Variants in AGAP2 observed in about 807,000 individuals in gnomAD.
AGAP2 encodes the protein arf-GAP with GTPase, ANK repeat and PH domain-containing protein 2.
A neutral mutation model predicts 110.9 loss-of-function variants in AGAP2; 32 were observed. The observed-to-expected ratio is 0.29, with a 90% confidence interval of 0.22 to 0.39. The LOEUF is 0.39. Among genes scored for constraint, AGAP2 ranks in the 10% least tolerant of loss-of-function variants. The pLI is 1.00. For synonymous variants in AGAP2, 702 were observed against 713.0 expected (o/e 0.98, Z 0.25); for missense variants, 1,285 against 1,638.5 (o/e 0.78, Z 3.72).
At chr12:57,736,258 G>T (rs1345839348) in intron 1 of AGAP2, among the ~76,000 whole-genome samples, 1 of 152,174 alleles carries the variant, frequency 6.6e-6, no homozygotes, top group Admixed American at 6.5e-5. Context: ...CCGGGAGTGT[G>T]AGCCGAACCA....
intron 13 of AGAP2, among the ~76,000 whole-genome samples, chr12:57,728,695 GGGA>G (rs570841555): frequency 5.7e-4 from 87 of 152,284 alleles, no homozygotes; most frequent in African/African-American, 2.0e-3. Flanking sequence ...GGGAGAAGAA[GGGA>G]GGGTCAGGAT....
intron 1 of AGAP2, among the ~76,000 whole-genome samples, chr12:57,736,812 C>G (rs1954990778): frequency 1.3e-5 from 2 of 152,188 alleles, no homozygotes; most frequent in Non-Finnish European, 2.9e-5. Context: ...ATTTTCTAGT[C>G]ACTCTGATCA....
In AGAP2 at chr12:57,738,175, G is replaced by C. The variant is rs1410587497; in HGVS notation, c.72C>G (p.Leu24=). The C allele has an allele frequency of 6.6e-7, 1 of 1,524,652 alleles. No individual in the cohort carries two copies. The highest frequency in any genetic ancestry group is 8.8e-7 in the Non-Finnish European group (1 of 1,141,230). The allele number at this position is 1,524,652 out of a possible 1,614,324, so 94.4% of individuals were successfully genotyped here. A position where few individuals can be genotyped will look rare whatever the true frequency, so the allele number is the denominator to read the frequency against. ...TYLISLTLVK[L]ESVPPPPPSP... is the part of the protein sequence containing the mutation. The stretch of plus-strand genomic sequence containing the variant: ...AAGGCGGCGGCGGAGGCACCGACTC[G>C]AGCTTAACCAGGGTCAGCGAGATGA... Residue 24 remains leucine, a synonymous_variant, in exon 1 of 19, where the codon CTC becomes CTG. Coordinates refer to ENST00000547588, the MANE Select transcript of AGAP2 (RefSeq NM_001122772.3). The surrounding 1 kb of genome is among the most constrained non-coding windows in gnomAD (Gnocchi z 6.7).
upstream of AGAP2, chr12:57,742,094 G>A (rs1490251433): frequency 1.9e-6 from 3 of 1,609,516 alleles, no homozygotes; most frequent in East Asian, 2.2e-5. Context: ...TGTCTTGCCA[G>A]GCTAACAACC....
intron 10 of AGAP2, 22 bp downstream of exon 10, chr12:57,731,344 T>C (rs1422702081): frequency 1.3e-6 from 2 of 1,587,894 alleles, no homozygotes; most frequent in African/African-American, 1.3e-5. Flanking sequence ...CTGGCCAATG[T>C]GGCCCAGTCT....
chr12:57,729,985 G>A (rs550615475), intron 12 of AGAP2, among the ~76,000 whole-genome samples: 60 of 152,268 alleles, frequency 3.9e-4, no homozygotes, highest in African/African-American at 1.4e-3. Context: ...CCACTTACTG[G>A]CCTTAAGACC....
In AGAP2 at chr12:57,729,722, G is replaced by A. The variant is rs1954847612; in HGVS notation, c.2474C>T (p.Pro825Leu). The A allele has an allele frequency of 6.2e-7, 1 of 1,613,882 alleles. No individual in the cohort carries two copies. Among genetic ancestry groups the A allele is most frequent in the Admixed American group, 1.7e-5 (1 of 60,004 alleles). The change falls in exon 13 of 19, where the codon CCT becomes CTT. Residue 825 changes from proline (P) to leucine (L), a missense_variant. By Grantham distance (98) the Pro-to-Leu change is moderately conservative. Around this residue, in one of 7 missense-constraint regions of AGAP2, gnomAD observed 135 missense variants for 182.0 expected, o/e 0.74. Transcript: ENST00000547588. ...CTGCTTCTTCACCATGGGAGAAGGA[G>A]GGGGTTCCCGACTCAGGGGGCTCAG... ...GDLSPLSREP[P>L]PSPMVKKQRR...
intron 1 of AGAP2, among the ~76,000 whole-genome samples, chr12:57,736,511 C>T (rs916841798): frequency 6.6e-6 from 1 of 151,758 alleles, no homozygotes; most frequent in Admixed American, 6.6e-5. Context: ...TCTCACTTCA[C>T]ATTTAAATAT....
At position 57,727,489 on chromosome 12, in the gene AGAP2, C is replaced by T; in HGVS notation, c.2951G>A (p.Arg984His). Residue 984 changes from arginine (R) to histidine (H), a missense_variant, in exon 17 of 19, where the codon CGC becomes CAC. Physicochemically the swap from Arg to His is conservative, Grantham distance 29. Around this residue, in one of 7 missense-constraint regions of AGAP2, gnomAD observed 17 missense variants for 56.4 expected, o/e 0.30. Coordinates refer to ENST00000547588, the MANE Select transcript of AGAP2 (RefSeq NM_001122772.3). ...TGGCCAGTCGTCCAAGTCCAGCGAG[C>T]GAACGCGGGACAGGTGTGTGCCCAG... ...RNLGTHLSRV[R>H]SLDLDDWPRE... is the part of the protein sequence containing the mutation. 1 of 1,612,198 alleles carries T rather than the reference C, an allele frequency of 6.2e-7. No individual in the cohort carries two copies. Among genetic ancestry groups the T allele is most frequent in the Non-Finnish European group, 8.5e-7 (1 of 1,179,440 alleles).
At chr12:57,734,195 A>G in intron 4 of AGAP2, 22 bp from the exon 5 acceptor site, 1 of 1,603,904 alleles carries the variant, frequency 6.2e-7, no homozygotes, top group Non-Finnish European at 8.5e-7. Flanking sequence ...TGAGGGAGCA[A>G]ATGGAAAGTC....
In AGAP2 at chr12:57,725,336, A is replaced by AG. The variant is rs1234357788; in HGVS notation, c.*1215dup. The AG allele has an allele frequency of 1.7e-4, 10 of 60,554 alleles. No individual in the cohort carries two copies. The highest frequency in any genetic ancestry group is 8.2e-3 in the Middle Eastern group (1 of 122). The allele number at this position is 60,554 out of a possible 1,614,324, so 3.8% of individuals were successfully genotyped here. On this transcript the variant is annotated 3_prime_UTR_variant, in exon 19 of 19. Coordinates refer to ENST00000547588, the MANE Select transcript of AGAP2 (RefSeq NM_001122772.3). ...TGGTCCTTTGCAAACTATTTTAGCC[A>AG]GAAAAAAAAAAAAAAAAAAAGACCG...
intron 15 of AGAP2, 56 bp from the exon 16 acceptor site, chr12:57,727,827 C>A: frequency 6.3e-7 from 1 of 1,581,152 alleles, no homozygotes; most frequent in South Asian, 1.2e-5. Flanking sequence ...ACCTCCTTCT[C>A]AGACACCTCT....
At chr12:57,729,178 AAAAAAAAAAAAAAAAG>A (rs1243977934) in intron 13 of AGAP2, among the ~76,000 whole-genome samples, 1 of 149,694 alleles carries the variant, frequency 6.7e-6, no homozygotes, top group Non-Finnish European at 1.5e-5. Context: ...TCCATCTCAA[AAAAAAAAAAAAAAAAG>A]AAAAGAAAAA....
chr12:57,737,738 T>C lies in AGAP2; in HGVS notation c.509A>G (p.His170Arg), dbSNP rs1423862793. Residue 170 changes from histidine to arginine, a missense_variant, in exon 1 of 19, where the codon CAC becomes CGC. Around this residue, in one of 7 missense-constraint regions of AGAP2, gnomAD observed 844 missense variants for 941.2 expected, o/e 0.90. Transcript: ENST00000547588. This position sits in a 1 kb window ranked among gnomAD's most constrained non-coding sequence, Gnocchi z 5.9. ...GAGCCTCCGGCTGCCGGTGCCAGGG[T>C]GCGGAGAGGATGAGCCAGGGATGCC... ...GGGIPGSSSP[H>R]PGTGSRRLKV... 6 of 1,542,504 alleles carry C rather than the reference T, an allele frequency of 3.9e-6. No homozygotes were observed. The highest frequency in any genetic ancestry group is 5.2e-6 in the Non-Finnish European group (6 of 1,148,834).
chr12:57,732,712 C>T (rs1954909744), intron 6 of AGAP2, 133 bp downstream of exon 6: 3 of 1,485,738 alleles, frequency 2.0e-6, no homozygotes, highest in Non-Finnish European at 1.8e-6. Flanking sequence ...CTCTGGCCTC[C>T]CTGATCTCTC....
In AGAP2 at chr12:57,737,129, G is replaced by A. The variant is rs1451964557; in HGVS notation, c.1118C>T (p.Ser373Phe). 3 of 1,568,272 alleles carry A rather than the reference G, an allele frequency of 1.9e-6. No homozygotes were observed. Among genetic ancestry groups the A allele is most frequent in the Non-Finnish European group, 1.7e-6 (2 of 1,157,372 alleles). Residue 373 changes from serine to phenylalanine, a missense_variant, in exon 1 of 19, where the codon TCT (serine) becomes TTT (phenylalanine). Physicochemically the swap from Ser to Phe is radical, Grantham distance 155. Coordinates refer to ENST00000547588, the MANE Select transcript of AGAP2 (RefSeq NM_001122772.3). This position sits in a 1 kb window ranked among gnomAD's most constrained non-coding sequence, Gnocchi z 5.9. ...GPLPGPPSLS[S>F]GSGSRELLGA... ...CAGCAGCTCCCTGGACCCGCTGCCA[G>A]AAGACAGGCTGGGGGGTCCGGGAAG...
At position 57,729,675 on chromosome 12, in the gene AGAP2, GTGT is replaced by G. The variant is rs1565792062; in HGVS notation, c.2518_2520del (p.Thr840del). The G allele has an allele frequency of 2.5e-6, 4 of 1,613,766 alleles. No individual in the cohort carries two copies. Among genetic ancestry groups the G allele is most frequent in the Non-Finnish European group, 3.4e-6 (4 of 1,179,894 alleles). On this transcript the variant is annotated inframe_deletion, in exon 13 of 19. Transcript: ENST00000547588. ...CCAGCCGAGCCTTCAGTCTTGGATGGTGTTGTCAATTTTTTCCTCCTCTGCTTC... is the reference window on the plus strand; with the variant it reads ...CCAGCCGAGCCTTCAGTCTTGGATGGTGTCAATTTTTTCCTCCTCTGCTTC...
intron 17 of AGAP2, 23 bp downstream of exon 17, chr12:57,727,337 C>T (rs777692058): frequency 3.1e-6 from 5 of 1,605,410 alleles, no homozygotes; most frequent in Non-Finnish European, 2.6e-6. Flanking sequence ...AACCCTCCCC[C>T]CGCTCTGTTC....
chr12:57,733,437 T>C (rs1191390980), intron 5 of AGAP2, among the ~76,000 whole-genome samples: 2 of 151,856 alleles, frequency 1.3e-5, no homozygotes, highest in African/African-American at 4.8e-5. Context: ...CAGGTGGAGA[T>C]AGGCACCAGC....
Sources: allele counts gnomAD v4.1 joint callset (sites outside exome capture counted in the v4.1 genomes callset), GRCh38; gene constraint gnomAD v4.1.1; regional missense constraint gnomAD v4.1.1; non-coding constraint Gnocchi (gnomAD v3.1); transcripts MANE v1.5; gene names NCBI Gene and HGNC (gene_info 2026-07-23, HGNC 2026-07-21).